CLASP2: variants seen among roughly 807,000 people sequenced by gnomAD.
CLASP2 encodes CLIP-associating protein 2.
CLASP2 carries 47 observed loss-of-function variants against 194.4 expected under a neutral mutation model. That is an observed-to-expected ratio of 0.24 (90% confidence interval 0.19 to 0.31). The LOEUF (loss-of-function observed/expected upper bound fraction) is 0.31, where lower values mean the gene tolerates loss of function less well. CLASP2 is among the 10% of genes least tolerant of loss of function. The pLI is 1.00. For synonymous variants in CLASP2, 619 were observed against 633.5 expected (o/e 0.98, Z 0.34); for missense variants, 1,445 against 1,823.6 (o/e 0.79, Z 3.78).
chr3:33,629,221 C>T (rs765585006), intron 9 of CLASP2, among the ~76,000 whole-genome samples: 6 of 152,082 alleles, frequency 3.9e-5, no homozygotes, highest in Non-Finnish European at 8.8e-5. Flanking sequence ...GATATGGAGT[C>T]CAGTGAGACT....
In CLASP2 at chr3:33,618,780, T is replaced by C. The variant is rs531773769; in HGVS notation, c.1317+823A>G. 5.9e-5 allele frequency among the ~76,000 whole-genome samples: 9 copies of C among 152,316 alleles called. No homozygotes were observed. In the South Asian group the frequency reaches 1.9e-3, roughly 32 times the overall value. ...AAGTTTGGAAAAGTACACATTAAAT[T>C]GCTAAAGTGATTACTAACAAAGGAA... On this transcript the variant is annotated intron_variant, in intron 12 of 38. Transcript: ENST00000682230.
At chr3:33,716,002 T>C (rs2093279490) in intron 1 of CLASP2, among the ~76,000 whole-genome samples, 1 of 150,982 alleles carries the variant, frequency 6.6e-6, no homozygotes, top group South Asian at 2.1e-4. Context: ...GAACTAGTGA[T>C]TTAGGAAAGA....
intron 37 of CLASP2, chr3:33,502,230 T>C (rs1189959516): frequency 1.3e-5 from 2 of 153,160 alleles, no homozygotes; most frequent in Non-Finnish European, 2.9e-5. Flanking sequence ...CTAATAAATC[T>C]AGTCTATGTA....
intron 6 of CLASP2, among the ~76,000 whole-genome samples, chr3:33,668,620 T>C (rs1390701249): frequency 6.6e-6 from 1 of 152,198 alleles, no homozygotes; most frequent in Non-Finnish European, 1.5e-5. Context: ...ATATGTGTTG[T>C]TATTTTGAGG....
intron 18 of CLASP2, among the ~76,000 whole-genome samples, chr3:33,600,072 CATAT>C (rs1215488161): frequency 2.0e-5 from 3 of 151,834 alleles, no homozygotes; most frequent in South Asian, 4.2e-4. Flanking sequence ...GTGTTTTGCT[CATAT>C]ATATATTTTT....
intron 6 of CLASP2, among the ~76,000 whole-genome samples, chr3:33,664,309 A>G (rs894532954): frequency 8.6e-5 from 13 of 152,014 alleles, no homozygotes. Flanking sequence ...TTCTCTTTCC[A>G]ATATATTGTG....
chr3:33,638,186 CTT>C (rs958236353), intron 8 of CLASP2, among the ~76,000 whole-genome samples: 4 of 152,146 alleles, frequency 2.6e-5, no homozygotes, highest in African/African-American at 7.2e-5. Flanking sequence ...ACATATCAAA[CTT>C]AACATTAGTT....
At chr3:33,671,639 C>T (rs1211625630) in intron 6 of CLASP2, among the ~76,000 whole-genome samples, 1 of 152,180 alleles carries the variant, frequency 6.6e-6, no homozygotes, top group Non-Finnish European at 1.5e-5. Context: ...CAGGGCGAGG[C>T]ATTGCCTCAC....
intron 13 of CLASP2, among the ~76,000 whole-genome samples, chr3:33,610,495 T>G (rs991534889): frequency 3.3e-5 from 5 of 152,198 alleles, no homozygotes; most frequent in African/African-American, 1.2e-4. Context: ...AATGGATTGC[T>G]CCCCATTTTT....
At chr3:33,519,747 T>A (rs1218395624) in intron 34 of CLASP2, among the ~76,000 whole-genome samples, 1 of 152,164 alleles carries the variant, frequency 6.6e-6, no homozygotes, top group Non-Finnish European at 1.5e-5. Context: ...TGAGGGCTTA[T>A]CCATCTTCAA....
intron 29 of CLASP2, among the ~76,000 whole-genome samples, chr3:33,556,263 T>G (rs1229592140): frequency 6.6e-6 from 1 of 152,170 alleles, no homozygotes; most frequent in African/African-American, 2.4e-5. Flanking sequence ...AAAAATTTTC[T>G]AGATCTGATA....
At chr3:33,665,359 C>G (rs759000237) in intron 6 of CLASP2, among the ~76,000 whole-genome samples, 1 of 151,270 alleles carries the variant, frequency 6.6e-6, no homozygotes, top group African/African-American at 2.4e-5. Flanking sequence ...AAATATAATA[C>G]GAATATGGGA....
Position 33,689,708 on chromosome 3 carries a change from ACTT to A in CLASP2, c.378+118_378+120del, listed in dbSNP as rs1444027020. 19 of 596,038 alleles carry A rather than the reference ACTT, an allele frequency of 3.2e-5. No individual in the cohort carries two copies. In the South Asian group the frequency reaches 4.5e-4, roughly 14 times the overall value. 36.9% of individuals were successfully genotyped at this position (596,038 alleles called of 1,614,324 possible). Reference sequence around the variant, plus strand: ...CATTGACACTGTATCTTAAATATCAACTTCTTAACAGTATTAGCAACAAATCAT... The same window carrying A: ...CATTGACACTGTATCTTAAATATCAACTTAACAGTATTAGCAACAAATCAT... On this transcript the variant is annotated intron_variant, in intron 3 of 38. Coordinates refer to ENST00000682230, the MANE Select transcript of CLASP2 (RefSeq NM_001365631.1).
rs796924531 is a variant in CLASP2 at position 33,513,972 on chromosome 3, G to T, written c.4110+2051C>A. Among the ~76,000 whole-genome samples, 35 of 152,164 alleles carry T rather than the reference G, an allele frequency of 2.3e-4. 1 individual carries two copies. Among genetic ancestry groups the T allele is most frequent in the African/African-American group, 7.7e-4 (32 of 41,542 alleles). On this transcript the variant is annotated intron_variant, in intron 36 of 38. Transcript: ENST00000682230. ...ATAATGTCCTTTGAAGGACAGAAAAGATTTCCTTTGATTTTTTATTTATTT... is the reference window on the plus strand; with the variant it reads ...ATAATGTCCTTTGAAGGACAGAAAATATTTCCTTTGATTTTTTATTTATTT...
In CLASP2 at chr3:33,563,960, T is replaced by G. The variant is rs1425708681; in HGVS notation, c.2766+2772A>C. On this transcript the variant is annotated intron_variant, in intron 27 of 38. Coordinates refer to ENST00000682230, the MANE Select transcript of CLASP2 (RefSeq NM_001365631.1). ...ACTCCATTCATTTACACACAGTATGTGACTCTCTATAGAATTTACTATTCA... is the reference window on the plus strand; with the variant it reads ...ACTCCATTCATTTACACACAGTATGGGACTCTCTATAGAATTTACTATTCA... The G allele has an allele frequency of 8.8e-6, 4 of 454,808 alleles. No individual in the cohort carries two copies. In the Admixed American group the frequency reaches 9.5e-5, roughly 11 times the overall value. 28.2% of individuals were successfully genotyped at this position (454,808 alleles called of 1,614,324 possible).
intron 29 of CLASP2, among the ~76,000 whole-genome samples, chr3:33,554,374 AG>A (rs2060564740): frequency 6.6e-6 from 1 of 152,212 alleles, no homozygotes; most frequent in African/African-American, 2.4e-5. Flanking sequence ...ATGAACCTGG[AG>A]GACAATACCG....
chr3:33,504,166 G>T (rs2047521137), intron 37 of CLASP2: 1 of 152,078 alleles, frequency 6.6e-6, no homozygotes, highest in African/African-American at 2.4e-5. Flanking sequence ...ATGAACAAAA[G>T]TTATTAATTT....
chr3:33,612,952 T>A (rs2075453977), intron 12 of CLASP2, among the ~76,000 whole-genome samples: 1 of 152,092 alleles, frequency 6.6e-6, no homozygotes. Flanking sequence ...AACAATAAGA[T>A]CTAGTGTTCG....
intron 6 of CLASP2, among the ~76,000 whole-genome samples, chr3:33,665,275 G>A (rs1227666381): frequency 6.6e-6 from 1 of 152,100 alleles, no homozygotes; most frequent in African/African-American, 2.4e-5. Context: ...TTAAGGTAAG[G>A]CAGATAATAC....
Sources: allele counts gnomAD v4.1 joint callset (sites outside exome capture counted in the v4.1 genomes callset), GRCh38; gene constraint gnomAD v4.1.1; transcripts MANE v1.5; gene names NCBI Gene and HGNC (gene_info 2026-07-23, HGNC 2026-07-21).